Variants in PID1 observed in about 807,000 individuals in gnomAD.
The protein encoded by PID1 is PTB-containing, cubilin and LRP1-interacting protein.
PID1 carries 10 observed loss-of-function variants against 19.1 expected under a neutral mutation model. That is an observed-to-expected ratio of 0.52 (90% confidence interval 0.32 to 0.89). PID1 has a LOEUF of 0.89. PID1 is among the 40% of genes least tolerant of loss of function. PID1 has a pLI of 0.03. For synonymous variants in PID1, 130 were observed against 116.0 expected, an observed-to-expected ratio of 1.12 and a Z score of -0.78; for missense variants, 248 against 285.3, an observed-to-expected ratio of 0.87 and a Z score of 0.94.
intron 2 of PID1, among the ~76,000 whole-genome samples, chr2:229,065,856 G>A (rs555452424): frequency 2.0e-5 from 3 of 152,208 alleles, no homozygotes; most frequent in South Asian, 2.1e-4. Flanking sequence ...TACTCCAGTG[G>A]TCAAATGGAT....
intron 1 of PID1, among the ~76,000 whole-genome samples, chr2:229,185,025 T>G (rs1242859674): frequency 2.1e-5 from 3 of 145,340 alleles, no homozygotes; most frequent in Non-Finnish European, 4.5e-5. Context: ...ACTATATGTA[T>G]ACTATATATC....
At chr2:229,231,221 C>A (rs180736362) in intron 1 of PID1, among the ~76,000 whole-genome samples, 338 of 152,172 alleles carry the variant, frequency 2.2e-3, no homozygotes, top group African/African-American at 7.8e-3. Context: ...GCAGCCAATG[C>A]AATCCATGAG....
intron 2 of PID1, among the ~76,000 whole-genome samples, chr2:229,041,099 A>G (rs1360253595): frequency 1.3e-5 from 2 of 152,204 alleles, no homozygotes; most frequent in African/African-American, 4.8e-5. Context: ...GCACCCTGCG[A>G]GCAGTAATGT....
intron 2 of PID1, among the ~76,000 whole-genome samples, chr2:229,056,297 C>T (rs563233219): frequency 2.8e-4 from 43 of 152,202 alleles, no homozygotes; most frequent in South Asian, 6.2e-4. Flanking sequence ...TTTACGGTCA[C>T]GAGAGTGCCA....
intron 2 of PID1, among the ~76,000 whole-genome samples, chr2:229,062,926 A>G (rs1414365582): frequency 6.6e-6 from 1 of 152,020 alleles, no homozygotes; most frequent in African/African-American, 2.4e-5. Context: ...TGTTCATAGT[A>G]GTACTTTATG....
chr2:229,093,857 A>G (rs981242628), intron 2 of PID1, among the ~76,000 whole-genome samples: 1 of 152,232 alleles, frequency 6.6e-6, no homozygotes. Flanking sequence ...ATCACATTGA[A>G]TAGGAAAAAG....
At chr2:229,165,210 G>A (rs903238928) in intron 1 of PID1, among the ~76,000 whole-genome samples, 1 of 152,070 alleles carries the variant, frequency 6.6e-6, no homozygotes, top group Non-Finnish European at 1.5e-5. Context: ...TAATTTAACA[G>A]AATCTAACAA....
At chr2:229,262,731 A>G (rs1388371897) in intron 1 of PID1, 1 of 1,551,670 alleles carries the variant, frequency 6.4e-7, no homozygotes, top group Admixed American at 2.0e-5. Context: ...AGGGCCACAC[A>G]CCATCCAAAA....
At chr2:229,114,906 C>A (rs1695379380) in intron 2 of PID1, among the ~76,000 whole-genome samples, 1 of 152,136 alleles carries the variant, frequency 6.6e-6, no homozygotes, top group Admixed American at 6.5e-5. Context: ...GACTCTTAGT[C>A]AATGATAGAC....
At chr2:229,052,803 T>TA (rs2106185285) in intron 2 of PID1, among the ~76,000 whole-genome samples, 1 of 152,320 alleles carries the variant, frequency 6.6e-6, no homozygotes, top group East Asian at 1.9e-4. Flanking sequence ...TTTCAGGAGC[T>TA]AGCTCACTGT....
chr2:229,050,267 C>CAT (rs1367795626), intron 2 of PID1, among the ~76,000 whole-genome samples: 4 of 152,124 alleles, frequency 2.6e-5, no homozygotes. Flanking sequence ...TTCTCTCTCA[C>CAT]ATATCACAAT....
At chr2:229,194,406 G>T (rs1691327663) in intron 1 of PID1, among the ~76,000 whole-genome samples, 1 of 151,742 alleles carries the variant, frequency 6.6e-6, no homozygotes. Flanking sequence ...GTGGAGGCAA[G>T]CTTTCACATA....
intron 2 of PID1, among the ~76,000 whole-genome samples, chr2:229,149,500 C>T (rs982981430): frequency 2.0e-5 from 3 of 152,138 alleles, no homozygotes; most frequent in Non-Finnish European, 4.4e-5. Context: ...GGGTTACCTG[C>T]AAAGTCTTCA....
chr2:229,141,040 G>C (rs1240349891), intron 2 of PID1, among the ~76,000 whole-genome samples: 1 of 150,526 alleles, frequency 6.6e-6, no homozygotes, highest in Non-Finnish European at 1.5e-5. Flanking sequence ...CTTTGTCTCA[G>C]ACTGACTCTA....
chr2:229,108,123 A>G (rs758960725), intron 2 of PID1, among the ~76,000 whole-genome samples: 20 of 152,218 alleles, frequency 1.3e-4, no homozygotes, highest in Non-Finnish European at 2.4e-4. Context: ...TAAAAAGAAC[A>G]TTTATGTGTT....
chr2:229,029,694 G>T (rs1693504856), intron 2 of PID1, among the ~76,000 whole-genome samples: 1 of 151,888 alleles, frequency 6.6e-6, no homozygotes, highest in Non-Finnish European at 1.5e-5. Flanking sequence ...ACAGAAATTA[G>T]CCAGGCATGA....
chr2:229,187,677 T>C (rs1009535866), intron 1 of PID1, among the ~76,000 whole-genome samples: 12 of 152,220 alleles, frequency 7.9e-5, no homozygotes, highest in African/African-American at 2.9e-4. Flanking sequence ...ATTTCATTTA[T>C]GTTTTCCTCT....
chr2:229,086,006 G>C (rs139160745), intron 2 of PID1, among the ~76,000 whole-genome samples: 256 of 152,160 alleles, frequency 1.7e-3, no homozygotes, highest in Middle Eastern at 6.8e-3. Flanking sequence ...ATATTTTATT[G>C]ACCCTGTAAT....
rs757661569 is a variant in PID1 at position 229,199,777 on chromosome 2, TAC to T, written c.31-43815_31-43814del. On this transcript the variant is annotated intron_variant, in intron 1 of 2. Transcript: ENST00000392055. ...ACACACACACACACACATATATATA[TAC>T]ACACACACATATATATAACCCAATC... 3.4e-5 allele frequency among the ~76,000 whole-genome samples: 5 copies of T among 148,326 alleles called. No homozygotes were observed. The East Asian group carries it at 5.9e-4, about 18-fold the overall frequency.
Sources: gnomAD v4.1 joint callset for allele counts (sites outside exome capture counted in the v4.1 genomes callset) on GRCh38, gnomAD v4.1.1 for gene constraint, MANE v1.5 for transcripts, NCBI Gene and HGNC (gene_info 2026-07-23, HGNC 2026-07-21) for gene names.